Variants in HMGCLL1 observed in about 807,000 individuals in gnomAD.
HMGCLL1 encodes 3-hydroxy-3-methylglutaryl-CoA lyase like 1, also known as 3-hydroxymethyl-3-methylglutaryl-CoA lyase, cytoplasmic.
A neutral mutation model predicts 39.1 loss-of-function variants in HMGCLL1; 36 were observed. That is an observed-to-expected ratio of 0.92 (90% CI 0.71 to 1.22). HMGCLL1 has a LOEUF of 1.22. Ranked by LOEUF, HMGCLL1 falls within the 50% of genes most tolerant of loss-of-function variation. The pLI is 0.00. For missense variants in HMGCLL1, 451 were observed against 416.5 expected, an observed-to-expected ratio of 1.08 and a Z score of -0.72; for synonymous variants, 149 against 144.0, an observed-to-expected ratio of 1.03 and a Z score of -0.25.
chr6:55,522,744 T>C (rs932681892), intron 3 of HMGCLL1, among the ~76,000 whole-genome samples: 5 of 152,024 alleles, frequency 3.3e-5, no homozygotes, highest in African/African-American at 1.2e-4. Context: ...TTTAACTTAA[T>C]GAGAGATTAG....
At chr6:55,526,110 C>A (rs934546356) in intron 3 of HMGCLL1, among the ~76,000 whole-genome samples, 17 of 151,890 alleles carry the variant, frequency 1.1e-4, no homozygotes, top group African/African-American at 3.6e-4. Flanking sequence ...GAATAATTTG[C>A]AGCTAAGCCT....
chr6:55,628,196 A>G, the HMGCLL1 span, among the ~76,000 whole-genome samples: 1 of 78,310 alleles, frequency 1.3e-5, no homozygotes, highest in Non-Finnish European at 2.4e-5. Flanking sequence ...ATATATATAT[A>G]TAGTATATCC....
chr6:55,609,105 G>A, the HMGCLL1 span, among the ~76,000 whole-genome samples: 25 of 152,310 alleles, frequency 1.6e-4, no homozygotes, highest in South Asian at 2.9e-3. Context: ...GGGGCCTTGC[G>A]TCCCAATCAC....
intron 3 of HMGCLL1, among the ~76,000 whole-genome samples, chr6:55,531,618 A>G (rs762805943): frequency 1.6e-4 from 25 of 152,140 alleles, no homozygotes; most frequent in Non-Finnish European, 2.4e-4. Context: ...TCCACAGACC[A>G]GTACTGGTCT....
Position 55,579,060 on chromosome 6 carries a change from G to A in HMGCLL1, c.-5C>T, listed in dbSNP as rs375724070. The A allele has an allele frequency of 4.3e-5, 69 of 1,599,858 alleles. No homozygotes were observed. The African/African-American group carries it at 7.4e-4, about 17-fold the overall frequency. On this transcript the variant is annotated 5_prime_UTR_variant, in exon 1 of 9. Transcript: ENST00000274901. ...CGCGGATGGCACATTCCCCATGGCG[G>A]AGCCTGGGGCGGCAGTCGGCGAGGG...
chr6:55,502,411 A>G (rs1766936578), intron 5 of HMGCLL1, among the ~76,000 whole-genome samples: 1 of 151,792 alleles, frequency 6.6e-6, no homozygotes, highest in Non-Finnish European at 1.5e-5. Context: ...TCAAGGTACT[A>G]CCTTTTCAAA....
chr6:55,676,328 T>C, the HMGCLL1 span, among the ~76,000 whole-genome samples: 3 of 152,178 alleles, frequency 2.0e-5, no homozygotes, highest in African/African-American at 4.8e-5. Context: ...TAGCAAATTT[T>C]CCTTCATTTC....
intron 5 of HMGCLL1, 29 bp from the exon 6 acceptor site, chr6:55,499,328 T>C (rs370835136): frequency 1.2e-5 from 18 of 1,511,314 alleles, no homozygotes; most frequent in Non-Finnish European, 1.6e-5. Context: ...CTTATAAATA[T>C]GCATATGGTA....
At chr6:55,673,211 G>A in the HMGCLL1 span, among the ~76,000 whole-genome samples, 1 of 151,936 alleles carries the variant, frequency 6.6e-6, no homozygotes, top group Non-Finnish European at 1.5e-5. Flanking sequence ...GTATAAATAT[G>A]CAAGGAGGCA....
the HMGCLL1 span, among the ~76,000 whole-genome samples, chr6:55,670,257 T>C: frequency 6.6e-6 from 1 of 151,642 alleles, no homozygotes; most frequent in Admixed American, 6.6e-5. Context: ...AAAAAAAATA[T>C]CCTTCCATAA....
the HMGCLL1 span, among the ~76,000 whole-genome samples, chr6:55,647,510 C>G: frequency 6.6e-6 from 1 of 151,690 alleles, no homozygotes; most frequent in Non-Finnish European, 1.5e-5. Flanking sequence ...ATAATTTTCT[C>G]TGGTGGTATG....
intron 3 of HMGCLL1, among the ~76,000 whole-genome samples, chr6:55,526,480 A>G (rs946559763): frequency 2.0e-5 from 3 of 152,028 alleles, no homozygotes; most frequent in African/African-American, 7.2e-5. Flanking sequence ...TTATTAAATC[A>G]TTAGCTCTTT....
At chr6:55,550,990 A>G (rs377562259) in intron 1 of HMGCLL1, among the ~76,000 whole-genome samples, 1 of 150,340 alleles carries the variant, frequency 6.7e-6, no homozygotes, top group African/African-American at 2.5e-5. Flanking sequence ...AGCTGCTTCA[A>G]TGTAAAAGTC....
chr6:55,523,576 G>T (rs1225677917), intron 3 of HMGCLL1, among the ~76,000 whole-genome samples: 1 of 151,636 alleles, frequency 6.6e-6, no homozygotes, highest in Non-Finnish European at 1.5e-5. Context: ...CTGCCAATTG[G>T]GAGAGCTCAC....
intron 7 of HMGCLL1, among the ~76,000 whole-genome samples, chr6:55,484,869 TC>T (rs1031214072): frequency 6.6e-6 from 1 of 151,992 alleles, no homozygotes; most frequent in Non-Finnish European, 1.5e-5. Flanking sequence ...GTCAGAATGA[TC>T]CCTTTTGAAA....
At chr6:55,488,675 TTG>T (rs1766167805) in intron 7 of HMGCLL1, among the ~76,000 whole-genome samples, 1 of 152,046 alleles carries the variant, frequency 6.6e-6, no homozygotes, top group African/African-American at 2.4e-5. Context: ...TTCCAACTGT[TTG>T]ACTTAAGATT....
chr6:55,660,560 T>C, the HMGCLL1 span, among the ~76,000 whole-genome samples: 3 of 152,026 alleles, frequency 2.0e-5, no homozygotes, highest in Non-Finnish European at 4.4e-5. Flanking sequence ...TTATTTTTTA[T>C]GGCTGTGAAG....
At chr6:55,543,994 A>C (rs756474745) in intron 1 of HMGCLL1, among the ~76,000 whole-genome samples, 3 of 152,102 alleles carry the variant, frequency 2.0e-5, no homozygotes, top group Non-Finnish European at 4.4e-5. Context: ...GGGCCCAGAA[A>C]ACTGAGGCTA....
the HMGCLL1 span, among the ~76,000 whole-genome samples, chr6:55,678,387 A>G: frequency 1.3e-4 from 20 of 152,312 alleles, no homozygotes; most frequent in Non-Finnish European, 2.2e-4. Context: ...AAGAAATAAA[A>G]TGAAATACAG....
Sources: gnomAD v4.1 joint callset for allele counts (sites outside exome capture counted in the v4.1 genomes callset) on GRCh38, gnomAD v4.1.1 for gene constraint, MANE v1.5 for transcripts, NCBI Gene and HGNC (gene_info 2026-07-23, HGNC 2026-07-21) for gene names.